Variants in SAA2 observed in about 807,000 individuals in gnomAD.
SAA2 encodes serum amyloid A2.
Under a neutral mutation model 9.1 loss-of-function variants are expected in SAA2, and 5 were observed. The observed-to-expected ratio is 0.55, with a 90% CI of 0.29 to 1.16. SAA2 has a LOEUF of 1.16. Among genes scored for constraint, SAA2 ranks in the 50% most tolerant of loss-of-function variants. SAA2 has a pLI of 0.09. For missense variants in SAA2, 94 were observed against 153.8 expected (o/e 0.61, Z 2.06); for synonymous variants, 49 against 59.8 (o/e 0.82, Z 0.83).
chr11:18,247,881 G>A, intron 2 of SAA2, 40 bp downstream of exon 2: 1 of 1,613,604 alleles, frequency 6.2e-7, no homozygotes, highest in Non-Finnish European at 8.5e-7. Context: ...CCAGGGCGAT[G>A]TTTCTCTTCA....
downstream of SAA2, chr11:18,242,892 A>T: frequency 1.5e-6 from 1 of 680,868 alleles, no homozygotes; most frequent in African/African-American, 1.8e-5. Flanking sequence ...AGAGCAATGC[A>T]ATTTCCCTTT....
At chr11:18,242,733 T>G (rs1857384662), downstream of SAA2, 1 of 697,798 alleles carries the variant, frequency 1.4e-6, no homozygotes, top group Admixed American at 2.0e-5. Flanking sequence ...GCAGTCCCAG[T>G]TATTCAAGAG....
At chr11:18,238,788 A>G (rs909377778), downstream of SAA2, among the ~76,000 whole-genome samples, 1 of 151,562 alleles carries the variant, frequency 6.6e-6, no homozygotes, top group African/African-American at 2.4e-5. Flanking sequence ...CTCATTAACC[A>G]TCCTCACCTC....
At chr11:18,241,458 T>C (rs903870873), downstream of SAA2, among the ~76,000 whole-genome samples, 1 of 152,034 alleles carries the variant, frequency 6.6e-6, no homozygotes, top group South Asian at 2.1e-4. Flanking sequence ...ACACTATTAT[T>C]CACAGTAGCA....
At chr11:18,240,201 C>G in intron 3 of SAA2, 1 of 717,832 alleles carries the variant, frequency 1.4e-6, no homozygotes, top group Admixed American at 2.0e-5. Flanking sequence ...GTAAATGATT[C>G]TCTTGAAATT....
At chr11:18,244,004 C>T (rs1420531101), downstream of SAA2, among the ~76,000 whole-genome samples, 1 of 152,162 alleles carries the variant, frequency 6.6e-6, no homozygotes, top group East Asian at 1.9e-4. Context: ...TTGTGCTTTG[C>T]TTCCTTTCAG....
downstream of SAA2, among the ~76,000 whole-genome samples, chr11:18,238,860 A>G (rs1169546889): frequency 7.3e-6 from 1 of 136,428 alleles, no homozygotes; most frequent in East Asian, 2.1e-4. Flanking sequence ...TCTATTCTCT[A>G]TCTCCATGAA....
At position 18,245,508 on chromosome 11, in the gene SAA2, T is replaced by G; in HGVS notation, c.238A>C (p.Arg80=). ...CCTGTGAGTCTCTGGATATTCTCTC[T>G]GGCATTGCTGTAGTCCAGGCAGGCA... The part of the protein sequence containing the change: ...AWAAEVISNA[R]ENIQRLTGRG... Residue 80 remains arginine, a synonymous_variant, in exon 4 of 4, where the codon AGA becomes CGA. Coordinates refer to ENST00000256733, the MANE Select transcript of SAA2 (RefSeq NM_030754.5). 2 of 1,614,060 alleles carry G rather than the reference T, an allele frequency of 1.2e-6. No individual in the cohort carries two copies. Among genetic ancestry groups the G allele is most frequent in the Middle Eastern group, 1.7e-4 (1 of 6,058 alleles).
At chr11:18,240,607 A>G (rs912222089), downstream of SAA2, among the ~76,000 whole-genome samples, 1 of 152,224 alleles carries the variant, frequency 6.6e-6, no homozygotes, top group Non-Finnish European at 1.5e-5. Flanking sequence ...TGACAAAGTC[A>G]ACAAAAACAT....
At chr11:18,240,026 G>T (rs1362412137) in intron 3 of SAA2, 3 of 1,545,862 alleles carry the variant, frequency 1.9e-6, no homozygotes, top group Non-Finnish European at 2.6e-6. Flanking sequence ...TAACATGCAA[G>T]GGGGAAAATC....
In SAA2 at chr11:18,245,247, T is replaced by A. The variant is rs1303168533; in HGVS notation, c.*130A>T. 2.0e-6 allele frequency: 3 copies of A among 1,488,018 alleles called. No homozygotes were observed. The highest frequency in any genetic ancestry group is 2.7e-6 in the Non-Finnish European group (3 of 1,118,140). 92.2% of individuals were successfully genotyped at this position (1,488,018 alleles called of 1,614,324 possible). A position where few individuals can be genotyped will look rare whatever the true frequency, so the allele number is the denominator to read the frequency against. On this transcript the variant is annotated 3_prime_UTR_variant, in exon 4 of 4. Transcript: ENST00000256733. ...ACACACTGTTTCAACAAATTCCACC[T>A]CTTAAGCATTTATTAGATGCCTATT... is the stretch of plus-strand genomic sequence containing the variant.
downstream of SAA2, among the ~76,000 whole-genome samples, chr11:18,243,029 G>A (rs1395172119): frequency 6.6e-6 from 1 of 151,784 alleles, no homozygotes; most frequent in African/African-American, 2.4e-5. Context: ...TAAATTCCTG[G>A]GTAAACCAAG....
At chr11:18,242,960 T>C, downstream of SAA2, 1 of 609,848 alleles carries the variant, frequency 1.6e-6, no homozygotes, top group Non-Finnish European at 3.0e-6. Context: ...AACCAAGTAA[T>C]TAATAAAAGG....
intron 2 of SAA2, 115 bp downstream of exon 2, chr11:18,247,806 A>G: frequency 9.4e-7 from 1 of 1,061,426 alleles, no homozygotes; most frequent in Non-Finnish European, 1.4e-6. Flanking sequence ...AGCAACGCAG[A>G]CACTAGCAAC....
intron 2 of SAA2, among the ~76,000 whole-genome samples, chr11:18,246,555 C>T (rs1235173385): frequency 6.6e-5 from 10 of 151,938 alleles, no homozygotes; most frequent in Non-Finnish European, 1.2e-4. Context: ...TTTTTTTAGA[C>T]GGAGTCTCAC....
chr11:18,248,527 T>A (rs1408950019), intron 1 of SAA2, 76 bp downstream of exon 1: 1 of 155,388 alleles, frequency 6.4e-6, no homozygotes, highest in Non-Finnish European at 1.4e-5. Flanking sequence ...CTATTTTTTT[T>A]AAAGGAAATG....
chr11:18,241,890 C>T (rs997105171), downstream of SAA2, among the ~76,000 whole-genome samples: 1 of 152,040 alleles, frequency 6.6e-6, no homozygotes, highest in Non-Finnish European at 1.5e-5. Context: ...CTTGTACCCC[C>T]TAAATCTATA....
chr11:18,238,725 C>G (rs1010163320), downstream of SAA2, among the ~76,000 whole-genome samples: 1 of 151,980 alleles, frequency 6.6e-6, no homozygotes, highest in Admixed American at 6.6e-5. Context: ...ACTATAGTCC[C>G]CCGTTGTGCT....
exon 4 of SAA2, chr11:18,239,914 A>T: frequency 6.5e-7 from 1 of 1,547,940 alleles, no homozygotes; most frequent in Non-Finnish European, 8.7e-7. Context: ...TGGGTCATGT[A>T]GGAGTGAAGA....
Sources: allele counts gnomAD v4.1 joint callset (sites outside exome capture counted in the v4.1 genomes callset), GRCh38; gene constraint gnomAD v4.1.1; transcripts MANE v1.5; gene names NCBI Gene and HGNC (gene_info 2026-07-23, HGNC 2026-07-21).